The following BMP2K variants were observed in gnomAD, a reference collection of about 807,000 sequenced individuals.
BMP2K encodes the protein BMP-2-inducible protein kinase.
BMP2K carries 74 observed loss-of-function variants against 116.0 expected under a neutral mutation model. That is an observed-to-expected ratio of 0.64 (90% CI 0.53 to 0.77). The LOEUF (loss-of-function observed/expected upper bound fraction) is 0.77, where lower values mean the gene tolerates loss of function less well. Ranked by LOEUF, BMP2K falls within the 30% of genes least tolerant of loss-of-function variation. BMP2K has a pLI of 0.00. For missense variants in BMP2K, 1,365 were observed against 1,403.6 expected, an observed-to-expected ratio of 0.97 and a Z score of 0.44; for synonymous variants, 486 against 502.5, an observed-to-expected ratio of 0.97 and a Z score of 0.44.
At chr4:78,854,894 C>T (rs1180771529) in intron 7 of BMP2K, among the ~76,000 whole-genome samples, 1 of 151,914 alleles carries the variant, frequency 6.6e-6, no homozygotes, top group Non-Finnish European at 1.5e-5. Flanking sequence ...TCCTCTATAA[C>T]CTCACCCACT....
intron 14 of BMP2K, 53 bp downstream of exon 14, chr4:78,878,944 T>C: frequency 1.9e-6 from 3 of 1,571,308 alleles, no homozygotes; most frequent in Middle Eastern, 3.6e-4. Flanking sequence ...ACAGCTCTAT[T>C]ATTATTCAGC....
In BMP2K at chr4:78,915,095, C is replaced by G. The variant is rs1734930521; in HGVS notation, c.*3062C>G. The stretch of plus-strand genomic sequence containing the variant: ...GTAGGCCGGATGAAAATTTAACTGA[C>G]TAGAACATTTATTCAGGAGTGTAAT... On this transcript the variant is annotated 3_prime_UTR_variant, in exon 16 of 16. Coordinates refer to ENST00000502613, the MANE Select transcript of BMP2K (RefSeq NM_198892.2). 6.6e-6 allele frequency: 1 copy of G among 151,974 alleles called. No individual in the cohort carries two copies. The highest frequency in any genetic ancestry group is 2.4e-5 in the African/African-American group (1 of 41,412). The allele number at this position is 151,974 out of a possible 1,614,324, so 9.4% of individuals were successfully genotyped here.
At chr4:78,879,273 A>C in intron 14 of BMP2K, 1 of 1,005,246 alleles carries the variant, frequency 9.9e-7, no homozygotes, top group Non-Finnish European at 1.2e-6. Context: ...CTCAATAGAA[A>C]ATATTGTGGG....
chr4:78,827,518 T>C (rs1200580093), intron 2 of BMP2K, among the ~76,000 whole-genome samples: 1 of 152,190 alleles, frequency 6.6e-6, no homozygotes, highest in Non-Finnish European at 1.5e-5. Context: ...ATTCATCCTA[T>C]GTCTGCACTG....
At chr4:78,825,159 G>A (rs1208893645) in intron 1 of BMP2K, among the ~76,000 whole-genome samples, 1 of 152,114 alleles carries the variant, frequency 6.6e-6, no homozygotes, top group Non-Finnish European at 1.5e-5. Flanking sequence ...AGCCGAGATT[G>A]TGCCACTGTA....
intron 9 of BMP2K, among the ~76,000 whole-genome samples, chr4:78,864,029 T>A (rs1731924670): frequency 6.6e-6 from 1 of 152,172 alleles, no homozygotes; most frequent in Admixed American, 6.6e-5. Context: ...GACAGGGTGT[T>A]ATGCAGTGTT....
intron 15 of BMP2K, among the ~76,000 whole-genome samples, chr4:78,908,634 A>G (rs1399647743): frequency 1.3e-5 from 2 of 152,150 alleles, no homozygotes; most frequent in Non-Finnish European, 2.9e-5. Flanking sequence ...GTTTCAAATC[A>G]CAGATACCTA....
At position 78,916,152 on chromosome 4, in the gene BMP2K, C is replaced by G. The variant is rs571506365; in HGVS notation, c.*4119C>G. On this transcript the variant is annotated 3_prime_UTR_variant, in exon 16 of 16. Coordinates refer to ENST00000502613, the MANE Select transcript of BMP2K (RefSeq NM_198892.2). ...TATGAGATAGACTCAGTCTCCCCCT[C>G]CCACCCCTTTTCCCCTGCCATATCT... is the stretch of plus-strand genomic sequence containing the variant. 2 of 152,016 alleles carry G rather than the reference C, an allele frequency of 1.3e-5. No individual in the cohort carries two copies. The highest frequency in any genetic ancestry group is 1.3e-4 in the Admixed American group (2 of 15,234). 9.4% of individuals were successfully genotyped at this position (152,016 alleles called of 1,614,324 possible).
intron 7 of BMP2K, among the ~76,000 whole-genome samples, chr4:78,858,435 GATAT>G (rs1246751849): frequency 6.6e-6 from 1 of 151,880 alleles, no homozygotes; most frequent in African/African-American, 2.4e-5. Flanking sequence ...TTTTATAAGT[GATAT>G]ATGTTAGCAT....
intron 14 of BMP2K, among the ~76,000 whole-genome samples, chr4:78,886,493 G>A (rs1301335907): frequency 6.6e-6 from 1 of 152,164 alleles, no homozygotes; most frequent in African/African-American, 2.4e-5. Context: ...CATATAAACT[G>A]CATAAGGGCA....
chr4:78,802,333 G>C (rs6814884), intron 1 of BMP2K, among the ~76,000 whole-genome samples: 10,892 of 152,182 alleles, frequency 0.072, 520 homozygotes, highest in East Asian at 0.22. Flanking sequence ...CGAAAGAATT[G>C]TCTTGATCTG....
At chr4:78,789,178 T>C (rs1444225599) in intron 1 of BMP2K, among the ~76,000 whole-genome samples, 1 of 152,208 alleles carries the variant, frequency 6.6e-6, no homozygotes, top group Non-Finnish European at 1.5e-5. Flanking sequence ...CCCGTAATTG[T>C]AGTGATTGTC....
rs916061516 is a variant in BMP2K, at chr4:78,776,620, C to T, written c.77C>T (p.Ala26Val). The T allele has an allele frequency of 2.5e-6, 3 of 1,201,750 alleles. No homozygotes were observed. Among genetic ancestry groups the T allele is most frequent in the African/African-American group, 3.2e-5 (2 of 62,738 alleles). 74.4% of individuals were successfully genotyped at this position (1,201,750 alleles called of 1,614,324 possible). A position where few individuals can be genotyped will look rare whatever the true frequency, so the allele number is the denominator to read the frequency against. The change falls in exon 1 of 16, where the codon GCC becomes GTC. Residue 26 changes from alanine to valine, a missense_variant. This residue lies in a region of BMP2K where 762 missense variants were observed against 756.7 expected (regional missense o/e 1.01). Transcript: ENST00000502613. ...GCGGCGGGTGGCGGGGCTGGCGGGG[C>T]CGGGGCCGGGGCCGGCTGCGGCTCC... ...GGAAGGGAGG[A>V]GAGAGCGSGG... is the part of the protein sequence containing the mutation.
chr4:78,911,842 C>T lies in BMP2K; in HGVS notation c.3295C>T (p.Leu1099=), dbSNP rs764276971. 44 of 1,613,864 alleles carry T rather than the reference C, an allele frequency of 2.7e-5. No individual in the cohort carries two copies. Among genetic ancestry groups the T allele is most frequent in the Middle Eastern group, 3.3e-4 (2 of 6,082 alleles). ...CATCCGTGCTGATCACAATACTGTCCTGCCAGGGCGGCCAAGACAAAATTC... is the reference window on the plus strand; with the variant it reads ...CATCCGTGCTGATCACAATACTGTCTTGCCAGGGCGGCCAAGACAAAATTC... The part of the protein sequence containing the change: ...SDIRADHNTV[L]PGRPRQNSLH... The change falls in exon 16 of 16, where the codon CTG becomes TTG. Residue 1099 remains leucine, a synonymous_variant. Coordinates refer to ENST00000502613, the MANE Select transcript of BMP2K (RefSeq NM_198892.2).
intron 9 of BMP2K, among the ~76,000 whole-genome samples, chr4:78,863,636 G>A (rs908780040): frequency 3.9e-5 from 6 of 152,116 alleles, no homozygotes; most frequent in African/African-American, 1.2e-4. Flanking sequence ...GAAAAGAAGG[G>A]AAGCAGAAAA....
At chr4:78,806,786 A>G (rs1329225555) in intron 1 of BMP2K, among the ~76,000 whole-genome samples, 1 of 150,470 alleles carries the variant, frequency 6.6e-6, no homozygotes, top group African/African-American at 2.4e-5. Flanking sequence ...GTTGCCTTCT[A>G]TTCCTAGTTT....
chr4:78,795,615 G>C (rs1728218241), intron 1 of BMP2K, among the ~76,000 whole-genome samples: 1 of 151,972 alleles, frequency 6.6e-6, no homozygotes, highest in South Asian at 2.1e-4. Flanking sequence ...TACAAAATGG[G>C]AGAAAATTTT....
At position 78,829,837 on chromosome 4, in the gene BMP2K, C is replaced by A. The variant is rs1021616247; in HGVS notation, c.297+3682C>A. 2.2e-5 allele frequency among the ~76,000 whole-genome samples: 3 copies of A among 137,270 alleles called. No homozygotes were observed. In the East Asian group the frequency reaches 6.8e-4, roughly 31 times the overall value. 90.1% of individuals were successfully genotyped at this position (137,270 alleles called of 152,430 possible). On this transcript the variant is annotated intron_variant, in intron 2 of 15. Transcript: ENST00000502613. Reference sequence around the variant, plus strand: ...CTTCTCTTCTCTTCTCTTCTCTTCTCTTCTCTTCTCTTCTTTTTTTCTTTT... The same window carrying A: ...CTTCTCTTCTCTTCTCTTCTCTTCTATTCTCTTCTCTTCTTTTTTTCTTTT...
chr4:78,798,780 A>C (rs1560504440), intron 1 of BMP2K, among the ~76,000 whole-genome samples: 2 of 152,242 alleles, frequency 1.3e-5, no homozygotes, highest in Non-Finnish European at 2.9e-5. Flanking sequence ...AGAAGTTGAT[A>C]GTTACTCCAG....
Sources: gnomAD v4.1 joint callset for allele counts (sites outside exome capture counted in the v4.1 genomes callset) on GRCh38, gnomAD v4.1.1 for gene constraint, gnomAD v4.1.1 regional missense constraint, MANE v1.5 for transcripts, NCBI Gene and HGNC (gene_info 2026-07-23, HGNC 2026-07-21) for gene names.